Variants in TACR1 observed in about 807,000 individuals in gnomAD.
The protein encoded by TACR1 is tachykinin receptor 1.
Under a neutral mutation model 35.8 loss-of-function variants are expected in TACR1, and 25 were observed. That is an observed-to-expected ratio of 0.70 (90% confidence interval 0.51 to 0.98). The LOEUF is 0.98. TACR1 is among the 50% of genes least tolerant of loss of function. The pLI is 0.00. For missense variants in TACR1, 478 were observed against 522.9 expected (o/e 0.91, Z 0.84); for synonymous variants, 195 against 206.7 (o/e 0.94, Z 0.48).
At chr2:75,111,184 A>G (rs1339212743) in intron 2 of TACR1, among the ~76,000 whole-genome samples, 1 of 151,996 alleles carries the variant, frequency 6.6e-6, no homozygotes, top group Non-Finnish European at 1.5e-5. Flanking sequence ...TAACAAACTC[A>G]TCTATAACTA....
intron 1 of TACR1, among the ~76,000 whole-genome samples, chr2:75,138,471 A>T (rs189301550): frequency 3.1e-4 from 47 of 152,316 alleles, no homozygotes; most frequent in African/African-American, 1.0e-3. Context: ...ATAGAAATAC[A>T]CTACAGGGCT....
At chr2:75,189,059 T>G (rs1352728138) in intron 1 of TACR1, 1 of 152,198 alleles carries the variant, frequency 6.6e-6, no homozygotes, top group African/African-American at 2.4e-5. Context: ...AGAATGTAGT[T>G]AACGTTAATC....
intron 1 of TACR1, among the ~76,000 whole-genome samples, chr2:75,183,070 C>T (rs1675596636): frequency 6.6e-6 from 1 of 152,002 alleles, no homozygotes; most frequent in Non-Finnish European, 1.5e-5. Context: ...GATGTAGGAG[C>T]TCTATAAATA....
intron 1 of TACR1, among the ~76,000 whole-genome samples, chr2:75,156,850 A>C (rs1489621488): frequency 6.6e-6 from 1 of 152,230 alleles, no homozygotes; most frequent in Non-Finnish European, 1.5e-5. Context: ...GGGTATGCTC[A>C]TTAGTGTCTA....
intron 1 of TACR1, among the ~76,000 whole-genome samples, chr2:75,145,956 A>G (rs1225219897): frequency 6.6e-6 from 1 of 152,138 alleles, no homozygotes; most frequent in Admixed American, 6.6e-5. Flanking sequence ...GAGCCATAAG[A>G]TCTCCCAGAA....
chr2:75,131,090 T>A (rs1056456117), intron 1 of TACR1, among the ~76,000 whole-genome samples: 1 of 152,016 alleles, frequency 6.6e-6, no homozygotes, highest in Non-Finnish European at 1.5e-5. Flanking sequence ...TGAGCCAATT[T>A]TTTTTTCTTT....
chr2:75,112,872 A>T (rs6752498), intron 2 of TACR1, among the ~76,000 whole-genome samples: 6 of 152,008 alleles, frequency 3.9e-5, no homozygotes, highest in African/African-American at 1.2e-4. Flanking sequence ...ACATAACATT[A>T]CTGTTTCAAT....
At chr2:75,133,649 G>T (rs1388291669) in intron 1 of TACR1, among the ~76,000 whole-genome samples, 4 of 152,100 alleles carry the variant, frequency 2.6e-5, no homozygotes, top group African/African-American at 9.7e-5. Context: ...TTTTATCAAG[G>T]CACTATCCAG....
chr2:75,088,580 GT>G (rs1673233894), intron 2 of TACR1, among the ~76,000 whole-genome samples: 1 of 152,116 alleles, frequency 6.6e-6, no homozygotes, highest in South Asian at 2.1e-4. Flanking sequence ...GTATAAATGT[GT>G]TTGTTATGTT....
chr2:75,134,360 T>G (rs1027069660), intron 1 of TACR1, among the ~76,000 whole-genome samples: 1 of 152,224 alleles, frequency 6.6e-6, no homozygotes, highest in African/African-American at 2.4e-5. Context: ...AAGCCTTATT[T>G]AACCCCCTTT....
At chr2:75,112,074 T>G (rs1322335779) in intron 2 of TACR1, among the ~76,000 whole-genome samples, 1 of 151,994 alleles carries the variant, frequency 6.6e-6, no homozygotes, top group Non-Finnish European at 1.5e-5. Flanking sequence ...ATCCTACAAT[T>G]TTAGGTTATT....
chr2:75,155,686 T>C (rs1049034811), intron 1 of TACR1, among the ~76,000 whole-genome samples: 1 of 152,248 alleles, frequency 6.6e-6, no homozygotes, highest in Non-Finnish European at 1.5e-5. Context: ...AAGCTACATT[T>C]ACATTTTATC....
chr2:75,177,718 C>A (rs1424816711), intron 1 of TACR1, among the ~76,000 whole-genome samples: 1 of 152,116 alleles, frequency 6.6e-6, no homozygotes, highest in African/African-American at 2.4e-5. Flanking sequence ...ACTCCTCTCA[C>A]AAAACCCCAA....
chr2:75,083,829 G>C (rs1673139539), intron 2 of TACR1, among the ~76,000 whole-genome samples: 1 of 152,214 alleles, frequency 6.6e-6, no homozygotes, highest in Non-Finnish European at 1.5e-5. Flanking sequence ...ATTTTGGGCT[G>C]AGACCATGGG....
intron 2 of TACR1, among the ~76,000 whole-genome samples, chr2:75,095,404 A>T (rs1222678631): frequency 6.6e-6 from 1 of 152,152 alleles, no homozygotes; most frequent in Non-Finnish European, 1.5e-5. Context: ...GAGGGAATTC[A>T]CTGGAGGGTA....
rs58048867 is a variant in TACR1, at chr2:75,156,602, C to CAA, written c.390-35836_390-35835dup. 2.2e-3 allele frequency among the ~76,000 whole-genome samples: 238 copies of CAA among 108,340 alleles called. 2 individuals are homozygous for CAA. Among genetic ancestry groups the CAA allele is most frequent in the Middle Eastern group, 5.1e-3 (1 of 196 alleles). The allele number at this position is 108,340 out of a possible 152,430, so 71.1% of individuals were successfully genotyped here. A position where few individuals can be genotyped will look rare whatever the true frequency, so the allele number is the denominator to read the frequency against. On this transcript the variant is annotated intron_variant, in intron 1 of 4. Transcript: ENST00000305249. Reference sequence around the variant, plus strand: ...TGGGTAACAGAGCGAGACTCCGTCTCAAAAAAAAAAAAAAAAAAAGAAAGA... The same window carrying CAA: ...TGGGTAACAGAGCGAGACTCCGTCTCAAAAAAAAAAAAAAAAAAAAAGAAAGA...
At chr2:75,153,587 G>A (rs183223151) in intron 1 of TACR1, among the ~76,000 whole-genome samples, 2 of 152,208 alleles carry the variant, frequency 1.3e-5, no homozygotes, top group Admixed American at 1.3e-4. Context: ...TATAGGATCA[G>A]GAAAAAAACC....
At chr2:75,051,831 T>G (rs1672476471) in intron 3 of TACR1, among the ~76,000 whole-genome samples, 1 of 152,160 alleles carries the variant, frequency 6.6e-6, no homozygotes, top group Non-Finnish European at 1.5e-5. Context: ...ACATTATTCT[T>G]CATGACTGGA....
intron 2 of TACR1, among the ~76,000 whole-genome samples, chr2:75,112,425 A>G (rs1252007762): frequency 6.6e-6 from 1 of 152,078 alleles, no homozygotes; most frequent in Non-Finnish European, 1.5e-5. Context: ...AAGAACTGAT[A>G]TCCTTAGGAA....
Sources: allele counts gnomAD v4.1 joint callset (sites outside exome capture counted in the v4.1 genomes callset), GRCh38; gene constraint gnomAD v4.1.1; transcripts MANE v1.5; gene names NCBI Gene and HGNC (gene_info 2026-07-23, HGNC 2026-07-21).